The following STK3 variants were observed in gnomAD, a reference collection of about 807,000 sequenced individuals.
STK3 encodes serine/threonine kinase 3.
In STK3, 41 loss-of-function variants were observed where a neutral mutation model predicts 58.0. The ratio of observed to expected loss-of-function variants is 0.71; its 90% CI spans 0.55 to 0.92. The LOEUF (loss-of-function observed/expected upper bound fraction) is 0.92, where lower values mean the gene tolerates loss of function less well. Among genes scored for constraint, STK3 ranks in the 40% least tolerant of loss-of-function variants. STK3 has a pLI of 0.00. For synonymous variants in STK3, 170 were observed against 191.0 expected (o/e 0.89, Z 0.91); for missense variants, 479 against 602.7 (o/e 0.79, Z 2.15).
intron 3 of STK3, among the ~76,000 whole-genome samples, chr8:98,757,647 C>T (rs1253448852): frequency 6.7e-6 from 1 of 149,946 alleles, no homozygotes; most frequent in African/African-American, 2.4e-5. Context: ...AGTTCAAGAC[C>T]TGAGACTTCT....
chr8:98,924,841 G>T (rs1839720920), intron 1 of STK3, among the ~76,000 whole-genome samples: 1 of 152,198 alleles, frequency 6.6e-6, no homozygotes, highest in South Asian at 2.1e-4. Flanking sequence ...GAATGAGGAT[G>T]AACCTCTCTT....
chr8:98,752,306 T>C lies in STK3; in HGVS notation c.237-2916A>G, dbSNP rs530936365. On this transcript the variant is annotated intron_variant, in intron 3 of 10. Coordinates refer to ENST00000419617, the MANE Select transcript of STK3 (RefSeq NM_006281.4). ...AGAAATAAGACCACACAACTACAACTATATGATCTTTGACAAACCTGACAA... is the reference window on the plus strand; with the variant it reads ...AGAAATAAGACCACACAACTACAACCATATGATCTTTGACAAACCTGACAA... 4.6e-5 allele frequency among the ~76,000 whole-genome samples: 7 copies of C among 152,080 alleles called. No individual in the cohort carries two copies. In the East Asian group the frequency reaches 7.7e-4, roughly 17 times the overall value.
intron 8 of STK3, among the ~76,000 whole-genome samples, chr8:98,569,591 T>C (rs1812788037): frequency 6.6e-6 from 1 of 151,938 alleles, no homozygotes; most frequent in Non-Finnish European, 1.5e-5. Flanking sequence ...AAACTAGTGA[T>C]TAGAAAACTG....
chr8:98,466,882 A>C (rs748816324), intron 10 of STK3, among the ~76,000 whole-genome samples: 39 of 152,088 alleles, frequency 2.6e-4, no homozygotes, highest in Non-Finnish European at 4.3e-4. Context: ...AGATCATGGA[A>C]GTTCTCTACA....
Position 98,800,489 on chromosome 8 carries a change from G to A in STK3, c.26+25026C>T, listed in dbSNP as rs1390114908. ...CGGCCTCGGTGTCCACTCTGGCCAC[G>A]CTTGAGGAGCCCTTCAGCCTGCCGC... On this transcript the variant is annotated intron_variant, in intron 1 of 10. Coordinates refer to ENST00000419617, the MANE Select transcript of STK3 (RefSeq NM_006281.4). This position sits in a 1 kb window ranked among gnomAD's most constrained non-coding sequence, Gnocchi z 4.8. 2.6e-5 allele frequency among the ~76,000 whole-genome samples: 4 copies of A among 152,224 alleles called. No homozygotes were observed. Among genetic ancestry groups the A allele is most frequent in the South Asian group, 2.1e-4 (1 of 4,832 alleles).
At position 98,587,824 on chromosome 8, in the gene STK3, G is replaced by A. The variant is rs567434959; in HGVS notation, c.823-8035C>T. 5.5e-3 allele frequency among the ~76,000 whole-genome samples: 832 copies of A among 152,214 alleles called. 7 individuals carry two copies. The highest frequency in any genetic ancestry group is 0.019 in the African/African-American group (778 of 41,506). On this transcript the variant is annotated intron_variant, in intron 7 of 10. Transcript: ENST00000419617. ...ATATTTAGTATAGTTAGCTCTTCTT[G>A]TTGAATTGATCCCTTTACCATTATG...
At chr8:98,814,790 T>C (rs1431262562) in intron 1 of STK3, among the ~76,000 whole-genome samples, 1 of 152,218 alleles carries the variant, frequency 6.6e-6, no homozygotes, top group Non-Finnish European at 1.5e-5. Flanking sequence ...GCTCAGGTGA[T>C]GCTCCCACCT....
At chr8:98,533,155 AT>A (rs1408807770) in intron 9 of STK3, among the ~76,000 whole-genome samples, 3 of 152,126 alleles carry the variant, frequency 2.0e-5, no homozygotes, top group Non-Finnish European at 4.4e-5. Context: ...TCCTATGAAT[AT>A]TGTTGAATAA....
At position 98,664,925 on chromosome 8, in the gene STK3, G is replaced by C. The variant is rs370893164; in HGVS notation, c.684+41542C>G. Among the ~76,000 whole-genome samples the C allele has an allele frequency of 4.1e-4, 62 of 151,880 alleles. No homozygotes were observed. The East Asian group carries it at 4.7e-3, about 11-fold the overall frequency. ...CAATTAAAAAAAAAAAAAGTATCTA[G>C]GTATAGTAAGTAGTTTAACTAAAAA... is the stretch of plus-strand genomic sequence containing the variant. On this transcript the variant is annotated intron_variant, in intron 6 of 10. Coordinates refer to ENST00000419617, the MANE Select transcript of STK3 (RefSeq NM_006281.4).
chr8:98,760,298 C>T (rs997621131), intron 3 of STK3, among the ~76,000 whole-genome samples: 8 of 152,086 alleles, frequency 5.3e-5, no homozygotes, highest in Non-Finnish European at 8.8e-5. Context: ...TGCACACACC[C>T]GGACTAATTT....
intron 10 of STK3, among the ~76,000 whole-genome samples, chr8:98,520,063 T>C (rs1035110638): frequency 1.3e-5 from 2 of 152,270 alleles, no homozygotes; most frequent in African/African-American, 4.8e-5. Flanking sequence ...TGCAAAACAT[T>C]ATCTACATGC....
At chr8:98,689,356 G>T (rs1179871687) in intron 6 of STK3, among the ~76,000 whole-genome samples, 1 of 152,032 alleles carries the variant, frequency 6.6e-6, no homozygotes, top group East Asian at 1.9e-4. Flanking sequence ...GAAGAGGAGG[G>T]CCTCCTCCCT....
intron 1 of STK3, among the ~76,000 whole-genome samples, chr8:98,440,121 GATAAAGGA>G (rs1362612831): frequency 6.6e-6 from 1 of 152,132 alleles, no homozygotes; most frequent in Non-Finnish European, 1.5e-5. Context: ...GCCCCAAAGG[GATAAAGGA>G]GTTGAGGGTA....
At chr8:98,579,066 G>A (rs772888675) in intron 8 of STK3, among the ~76,000 whole-genome samples, 4 of 151,992 alleles carry the variant, frequency 2.6e-5, no homozygotes, top group East Asian at 3.9e-4. Context: ...CAGGAGAATC[G>A]CTTGAACCCG....
At chr8:98,371,250 A>C (rs919877726), downstream of STK3, 4 of 152,224 alleles carry the variant, frequency 2.6e-5, no homozygotes, top group Non-Finnish European at 5.9e-5. Context: ...TGGTTTATCC[A>C]TCCCTCTGAT....
intron 10 of STK3, among the ~76,000 whole-genome samples, chr8:98,486,209 T>TG (rs964134158): frequency 1.3e-5 from 2 of 152,088 alleles, no homozygotes; most frequent in African/African-American, 4.8e-5. Flanking sequence ...TGCCTGTGTG[T>TG]GGGGGAAAAA....
intron 10 of STK3, among the ~76,000 whole-genome samples, chr8:98,494,829 A>G (rs1028282091): frequency 1.3e-5 from 2 of 152,124 alleles, no homozygotes; most frequent in African/African-American, 4.8e-5. Context: ...GGCAAACTGA[A>G]GCACAGCTAC....
At chr8:98,939,053 C>A (rs79511901) in intron 1 of STK3, among the ~76,000 whole-genome samples, 3,077 of 152,236 alleles carry the variant, frequency 0.02, 111 homozygotes, top group African/African-American at 0.07. Flanking sequence ...AGGGGTACAG[C>A]CTTGTTCCCC....
chr8:98,816,093 A>G (rs1049195472), intron 1 of STK3, among the ~76,000 whole-genome samples: 3 of 152,196 alleles, frequency 2.0e-5, no homozygotes, highest in Non-Finnish European at 1.5e-5. Context: ...GAACATGTTG[A>G]ACTGACCTAT....
Sources: gnomAD v4.1 joint callset for allele counts (sites outside exome capture counted in the v4.1 genomes callset) on GRCh38, gnomAD v4.1.1 for gene constraint, Gnocchi (gnomAD v3.1) non-coding constraint, MANE v1.5 for transcripts, NCBI Gene and HGNC (gene_info 2026-07-23, HGNC 2026-07-21) for gene names.